Variants in DCC observed in about 807,000 individuals in gnomAD.
DCC encodes DCC netrin 1 receptor, also known as netrin receptor DCC.
DCC carries 58 observed loss-of-function variants against 172.5 expected under a neutral mutation model. The ratio of observed to expected loss-of-function variants is 0.34; its 90% CI spans 0.27 to 0.42. DCC has a LOEUF of 0.42. Among genes scored for constraint, DCC ranks in the 10% least tolerant of loss-of-function variants. DCC has a pLI of 1.00. For synonymous variants in DCC, 709 were observed against 644.5 expected, an observed-to-expected ratio of 1.10 and a Z score of -1.52; for missense variants, 1,740 against 1,791.0, an observed-to-expected ratio of 0.97 and a Z score of 0.51.
intron 5 of DCC, among the ~76,000 whole-genome samples, chr18:52,972,711 G>A (rs1208710959): frequency 2.6e-5 from 4 of 152,158 alleles, no homozygotes; most frequent in Non-Finnish European, 5.9e-5. Context: ...TAGCACAAAT[G>A]TACTTCTCAT....
intron 1 of DCC, among the ~76,000 whole-genome samples, chr18:52,588,315 G>A (rs1398533257): frequency 6.6e-6 from 1 of 152,148 alleles, no homozygotes; most frequent in Non-Finnish European, 1.5e-5. Context: ...AAGTGGCAGA[G>A]CAGGTTGCAC....
At chr18:52,801,461 C>T (rs1488695029) in intron 2 of DCC, among the ~76,000 whole-genome samples, 3 of 151,920 alleles carry the variant, frequency 2.0e-5, no homozygotes, top group East Asian at 1.9e-4. Context: ...AAAAAAATTG[C>T]CTCACAAAGG....
intron 1 of DCC, among the ~76,000 whole-genome samples, chr18:52,615,208 C>A (rs918330712): frequency 6.6e-6 from 1 of 152,138 alleles, no homozygotes; most frequent in Non-Finnish European, 1.5e-5. Flanking sequence ...TAACCCAGAG[C>A]CACTGAATTC....
At position 53,391,824 on chromosome 18, in the gene DCC, G is replaced by A. The variant is rs200708034; in HGVS notation, c.2625G>A (p.Thr875=). 105 of 1,614,040 alleles carry A rather than the reference G, an allele frequency of 6.5e-5. No homozygotes were observed. Among genetic ancestry groups the A allele is most frequent in the East Asian group, 3.1e-4 (14 of 44,868 alleles). Residue 875 remains threonine, a synonymous_variant, in exon 17 of 29, where the codon ACG becomes ACA. Coordinates refer to ENST00000442544, the MANE Select transcript of DCC (RefSeq NM_005215.4). ...ACTCTGTCCCTAAGAACCAAAAGACGTCTGAGGTGCGACTTTACACCGTCC... is the reference window on the plus strand; with the variant it reads ...ACTCTGTCCCTAAGAACCAAAAGACATCTGAGGTGCGACTTTACACCGTCC... ...ADNSVPKNQK[T]SEVRLYTVRW...
intron 16 of DCC, among the ~76,000 whole-genome samples, 170 bp from the exon 17 acceptor site, chr18:53,391,485 G>A (rs1446001319): frequency 1.3e-5 from 2 of 152,148 alleles, no homozygotes. Flanking sequence ...TGTTTCTAAT[G>A]TGTTTTCCGA....
chr18:52,825,442 A>G (rs966909976), intron 2 of DCC, among the ~76,000 whole-genome samples: 2 of 152,204 alleles, frequency 1.3e-5, no homozygotes, highest in Non-Finnish European at 2.9e-5. Flanking sequence ...CCTGCACCTA[A>G]CATGTGGAAA....
At chr18:53,104,762 G>A (rs2043220856) in intron 7 of DCC, among the ~76,000 whole-genome samples, 1 of 151,990 alleles carries the variant, frequency 6.6e-6, no homozygotes, top group African/African-American at 2.4e-5. Context: ...GTTTGGCCTT[G>A]AACTTTCCCT....
chr18:53,328,072 T>C (rs2057488336), intron 14 of DCC, among the ~76,000 whole-genome samples: 1 of 152,188 alleles, frequency 6.6e-6, no homozygotes, highest in African/African-American at 2.4e-5. Flanking sequence ...AAAAGCAATA[T>C]GGTATCTGTT....
intron 11 of DCC, among the ~76,000 whole-genome samples, chr18:53,215,262 A>G (rs1724710843): frequency 6.6e-6 from 1 of 152,104 alleles, no homozygotes; most frequent in South Asian, 2.1e-4. Flanking sequence ...AGAGGGCTGT[A>G]ATTAAATGGT....
chr18:53,229,859 G>A (rs1464599739), intron 12 of DCC, among the ~76,000 whole-genome samples: 2 of 151,948 alleles, frequency 1.3e-5, no homozygotes, highest in African/African-American at 2.4e-5. Context: ...TCAAAAGAAA[G>A]GTCAAATTCT....
intron 5 of DCC, among the ~76,000 whole-genome samples, chr18:53,023,089 A>G (rs1159900751): frequency 1.3e-5 from 2 of 152,056 alleles, no homozygotes; most frequent in African/African-American, 2.4e-5. Flanking sequence ...CAATTGAATT[A>G]TTCTGTGCTT....
At chr18:52,995,193 CT>C (rs2041458569) in intron 5 of DCC, among the ~76,000 whole-genome samples, 1 of 152,082 alleles carries the variant, frequency 6.6e-6, no homozygotes. Flanking sequence ...CTATTTATTG[CT>C]TTGTCAACAT....
intron 11 of DCC, among the ~76,000 whole-genome samples, chr18:53,214,851 A>G (rs2055821623): frequency 3.3e-5 from 5 of 152,176 alleles, no homozygotes. Flanking sequence ...TATAAGTATT[A>G]AAAGAGAGCT....
At chr18:52,868,501 A>C (rs1008811149) in intron 2 of DCC, among the ~76,000 whole-genome samples, 1 of 152,148 alleles carries the variant, frequency 6.6e-6, no homozygotes, top group African/African-American at 2.4e-5. Context: ...ACAGTAAGAG[A>C]AATTTGACAT....
At chr18:52,446,001 G>C (rs1258305291) in intron 1 of DCC, among the ~76,000 whole-genome samples, 1 of 152,078 alleles carries the variant, frequency 6.6e-6, no homozygotes, top group African/African-American at 2.4e-5. Flanking sequence ...GCGGGATCTC[G>C]GCTCACTGCA....
intron 12 of DCC, among the ~76,000 whole-genome samples, chr18:53,305,256 ATC>A (rs753356336): frequency 1.2e-4 from 19 of 152,182 alleles, no homozygotes; most frequent in Non-Finnish European, 2.6e-4. Flanking sequence ...ATTAGTTGAC[ATC>A]TCTCATGCAA....
intron 1 of DCC, among the ~76,000 whole-genome samples, chr18:52,674,774 G>T (rs2035620119): frequency 1.3e-5 from 2 of 152,080 alleles, no homozygotes; most frequent in Admixed American, 1.3e-4. Context: ...AAATTCTAAG[G>T]CTCCCCCGCC....
chr18:52,976,200 TG>T (rs764492620), intron 5 of DCC, among the ~76,000 whole-genome samples: 39 of 151,952 alleles, frequency 2.6e-4, no homozygotes, highest in Middle Eastern at 3.4e-3. Flanking sequence ...TATAGGGTCA[TG>T]TTTTTTTTTT....
chr18:53,354,260 T>G (rs904863371), intron 15 of DCC, among the ~76,000 whole-genome samples: 1 of 152,202 alleles, frequency 6.6e-6, no homozygotes, highest in Admixed American at 6.5e-5. Context: ...TGCTTTATAA[T>G]CCTTTGGGTA....
Sources: gnomAD v4.1 joint callset for allele counts (sites outside exome capture counted in the v4.1 genomes callset) on GRCh38, gnomAD v4.1.1 for gene constraint, MANE v1.5 for transcripts, NCBI Gene and HGNC (gene_info 2026-07-23, HGNC 2026-07-21) for gene names.